RPS6KA4: variants seen among roughly 807,000 people sequenced by gnomAD.
RPS6KA4 encodes ribosomal protein S6 kinase A4, also known as ribosomal protein S6 kinase alpha-4.
A neutral mutation model predicts 89.6 loss-of-function variants in RPS6KA4; 38 were observed. The observed-to-expected ratio is 0.42, with a 90% CI of 0.33 to 0.56. The LOEUF is 0.56. RPS6KA4 is among the 20% of genes least tolerant of loss of function. RPS6KA4 has a pLI of 0.07. For missense variants in RPS6KA4, 873 were observed against 1,098.8 expected, an observed-to-expected ratio of 0.79 and a Z score of 2.90; for synonymous variants, 495 against 492.8, an observed-to-expected ratio of 1.00 and a Z score of -0.06.
chr11:64,361,127 C>T lies in RPS6KA4; in HGVS notation c.463-7C>T, dbSNP rs749353592. ...GGAAGCCTCAGCACCCCTCTTGCTCCTACCAGCTCGGCATCATTTACCGAG... is the reference window on the plus strand; with the variant it reads ...GGAAGCCTCAGCACCCCTCTTGCTCTTACCAGCTCGGCATCATTTACCGAG... On this transcript the variant is annotated splice_polypyrimidine_tract_variant and splice_region_variant and intron_variant, in intron 4 of 16. Transcript: ENST00000334205. The surrounding 1 kb of genome is among the most constrained non-coding windows in gnomAD (Gnocchi z 4.7). 5.0e-6 allele frequency: 8 copies of T among 1,612,402 alleles called. No homozygotes were observed. Among genetic ancestry groups the T allele is most frequent in the Non-Finnish European group, 6.8e-6 (8 of 1,179,494 alleles).
At position 64,361,717 on chromosome 11, in the gene RPS6KA4, G is replaced by A. The variant is rs764942671; in HGVS notation, c.727G>A (p.Glu243Lys). ...GGCCTCGCCCTTCACCCTGGAGGGC[G>A]AGAGGAACACGCAGGCTGAGGTGTC... ...TGASPFTLEGERNTQAEVSRR... is the reference protein window; with the variant it reads ...TGASPFTLEGKRNTQAEVSRR... The change falls in exon 7 of 17, where the codon GAG becomes AAG. Residue 243 changes from glutamate to lysine, a missense_variant. Transcript: ENST00000334205. The surrounding 1 kb of genome is among the most constrained non-coding windows in gnomAD (Gnocchi z 4.7). 21 of 1,610,226 alleles carry A rather than the reference G, an allele frequency of 1.3e-5. No homozygotes were observed. The highest frequency in any genetic ancestry group is 1.6e-5 in the Non-Finnish European group (19 of 1,179,118).
chr11:64,362,689 T>C (rs2036786290), intron 8 of RPS6KA4, among the ~76,000 whole-genome samples: 2 of 152,216 alleles, frequency 1.3e-5, no homozygotes, highest in African/African-American at 2.4e-5. Flanking sequence ...TCTTATTTTT[T>C]AGACGGAGTT....
Position 64,369,905 on chromosome 11 carries a change from G to T in RPS6KA4, c.1797+12G>T, listed in dbSNP as rs1010596980. The T allele has an allele frequency of 6.6e-7, 1 of 1,521,806 alleles. No homozygotes were observed. The highest frequency in any genetic ancestry group is 1.4e-5 in the African/African-American group (1 of 72,166). The allele number at this position is 1,521,806 out of a possible 1,614,324, so 94.3% of individuals were successfully genotyped here. A position where few individuals can be genotyped will look rare whatever the true frequency, so the allele number is the denominator to read the frequency against. On this transcript the variant is annotated intron_variant, in intron 14 of 16. Transcript: ENST00000334205. ...TGGGCGTCATTCTGGTATGGGACGC[G>T]GTCCTTGAGGCGGGGTCAGGGTCGC...
At chr11:64,362,068 A>C in intron 8 of RPS6KA4, 66 bp downstream of exon 8, 1 of 1,530,656 alleles carries the variant, frequency 6.5e-7, no homozygotes, top group Non-Finnish European at 8.8e-7. Context: ...TTCCAGGTTG[A>C]GGTTGTGCCT....
chr11:64,361,765 G>A lies in RPS6KA4; in HGVS notation c.755+20G>A, dbSNP rs2036757146. On this transcript the variant is annotated intron_variant, in intron 7 of 16. Coordinates refer to ENST00000334205, the MANE Select transcript of RPS6KA4 (RefSeq NM_003942.3). This position sits in a 1 kb window ranked among gnomAD's most constrained non-coding sequence, Gnocchi z 4.7. Reference sequence around the variant, plus strand: ...GTCTCGGTGAGTAGGGCTGGACGTGGAGGGCGGCCAGAGGGCTGCAGGGCC... The same window carrying A: ...GTCTCGGTGAGTAGGGCTGGACGTGAAGGGCGGCCAGAGGGCTGCAGGGCC... The A allele has an allele frequency of 1.3e-6, 2 of 1,591,614 alleles. No individual in the cohort carries two copies. Among genetic ancestry groups the A allele is most frequent in the Non-Finnish European group, 8.5e-7 (1 of 1,170,968 alleles).
chr11:64,370,260 G>T lies in RPS6KA4; in HGVS notation c.1833G>T (p.Gly611=), dbSNP rs779242564. The T allele has an allele frequency of 1.3e-6, 2 of 1,575,112 alleles. No homozygotes were observed. Among genetic ancestry groups the T allele is most frequent in the East Asian group, 2.3e-5 (1 of 44,380 alleles). ...MMLSGQVPFQ[G]ASGQGGQSQA... is the part of the protein sequence containing the mutation. ...TGTCGGGGCAGGTCCCCTTCCAGGGGGCCTCTGGCCAGGGCGGGCAGAGCC... is the reference window on the plus strand; with the variant it reads ...TGTCGGGGCAGGTCCCCTTCCAGGGTGCCTCTGGCCAGGGCGGGCAGAGCC... The change falls in exon 15 of 17, where the codon GGG becomes GGT. Residue 611 remains glycine, a synonymous_variant. Transcript: ENST00000334205. The surrounding 1 kb of genome is among the most constrained non-coding windows in gnomAD (Gnocchi z 4.1).
At chr11:64,359,473 A>G in intron 2 of RPS6KA4, 24 bp downstream of exon 2, 1 of 1,611,508 alleles carries the variant, frequency 6.2e-7, no homozygotes, top group East Asian at 2.2e-5. Context: ...TCCACCGGGC[A>G]GGCGTCCCAG....
rs771179842 is a variant in RPS6KA4, at chr11:64,369,660, CG to C, written c.1603-34del. On this transcript the variant is annotated intron_variant, in intron 13 of 16. Coordinates refer to ENST00000334205, the MANE Select transcript of RPS6KA4 (RefSeq NM_003942.3). ...CGGCGGCGGGGCGGAGCGGTGGCGC[CG>C]GGGGCTGCCTCTGACCACTACCCCG... The C allele has an allele frequency of 1.9e-6, 3 of 1,599,866 alleles. No homozygotes were observed. The African/African-American group carries it at 4.0e-5, about 21-fold the overall frequency.
chr11:64,371,473 C>G lies in RPS6KA4; in HGVS notation c.2312C>G (p.Pro771Arg), dbSNP rs1199762712. Residue 771 changes from proline (P) to arginine (R), a missense_variant, in exon 17 of 17, where the codon CCC becomes CGC. Physicochemically the swap from Pro to Arg is moderately radical, Grantham distance 103. Around this residue, in one of 4 missense-constraint regions of RPS6KA4, gnomAD observed 278 missense variants for 284.8 expected, o/e 0.98. Coordinates refer to ENST00000334205, the MANE Select transcript of RPS6KA4 (RefSeq NM_003942.3). ...CGCCGAGCCAACGGCCCCCTGCCCC[C>G]CTCCTAATCCCCACCACTGTGACCC... ...APRRANGPLP[P>R]S 3.3e-6 allele frequency: 4 copies of G among 1,201,606 alleles called. No homozygotes were observed. The highest frequency in any genetic ancestry group is 1.5e-5 in the African/African-American group (1 of 67,360). The allele number at this position is 1,201,606 out of a possible 1,614,324, so 74.4% of individuals were successfully genotyped here. A position where few individuals can be genotyped will look rare whatever the true frequency, so the allele number is the denominator to read the frequency against.
At position 64,362,009 on chromosome 11, in the gene RPS6KA4, C is replaced by A; in HGVS notation, c.906+7C>A. 1 of 1,607,484 alleles carries A rather than the reference C, an allele frequency of 6.2e-7. No homozygotes were observed. Among genetic ancestry groups the A allele is most frequent in the Non-Finnish European group, 8.5e-7 (1 of 1,177,970 alleles). Reference sequence around the variant, plus strand: ...GAACCATCCCTTCTTCCAGGTGAGGCTGACTCAGGGCCCCATACCTCCTGG... The same window carrying A: ...GAACCATCCCTTCTTCCAGGTGAGGATGACTCAGGGCCCCATACCTCCTGG... On this transcript the variant is annotated splice_region_variant and intron_variant, in intron 8 of 16. Coordinates refer to ENST00000334205, the MANE Select transcript of RPS6KA4 (RefSeq NM_003942.3).
intron 4 of RPS6KA4, chr11:64,360,882 G>A (rs2135326246): frequency 1.8e-6 from 1 of 570,516 alleles, no homozygotes; most frequent in Admixed American, 3.2e-5. Context: ...TGGCTCCTAA[G>A]GCCTCCTTGA....
At position 64,360,260 on chromosome 11, in the gene RPS6KA4, C is replaced by G; in HGVS notation, c.225C>G (p.Arg75=). The change falls in exon 3 of 17, where the codon CGC becomes CGG. Residue 75 remains arginine (R), a synonymous_variant. Coordinates refer to ENST00000334205, the MANE Select transcript of RPS6KA4 (RefSeq NM_003942.3). The part of the protein sequence containing the change: ...KVLRKAALVQ[R]AKTQEHTRTE... ...TGCGCAAGGCGGCGCTGGTGCAGCG[C>G]GCCAAGACGCAAGAGCACACGCGCA... 6.5e-7 allele frequency: 1 copy of G among 1,547,384 alleles called. No individual in the cohort carries two copies. Among genetic ancestry groups the G allele is most frequent in the South Asian group, 1.2e-5 (1 of 83,894 alleles).
chr11:64,359,300 G>A lies in RPS6KA4; in HGVS notation c.55+10G>A. ...CTGCGGATCACAGAAGGTGGGTGTG[G>A]GGCCTGACTGCGGCTGCCCGGGGCA... On this transcript the variant is annotated intron_variant, in intron 1 of 16. Coordinates refer to ENST00000334205, the MANE Select transcript of RPS6KA4 (RefSeq NM_003942.3). The A allele has an allele frequency of 6.3e-7, 1 of 1,595,380 alleles. No homozygotes were observed. The highest frequency in any genetic ancestry group is 8.5e-7 in the Non-Finnish European group (1 of 1,170,650).
chr11:64,359,513 A>T, intron 2 of RPS6KA4, 64 bp downstream of exon 2: 1 of 1,559,310 alleles, frequency 6.4e-7, no homozygotes, highest in Admixed American at 1.7e-5. Flanking sequence ...CTGCCTGCTC[A>T]CTCTTGGGCC....
At position 64,368,770 on chromosome 11, in the gene RPS6KA4, G is replaced by A. The variant is rs1309422917; in HGVS notation, c.1401G>A (p.Val467=). 1 of 1,570,840 alleles carries A rather than the reference G, an allele frequency of 6.4e-7. No homozygotes were observed. The change falls in exon 12 of 17, where the codon GTG becomes GTA. Residue 467 remains valine (V), a synonymous_variant. Transcript: ENST00000334205. The part of the protein sequence containing the change: ...LRLCQSHPNV[V]NLHEVHHDQL... The stretch of plus-strand genomic sequence containing the variant: ...TGTGCCAGTCACACCCCAACGTGGT[G>A]AATCTGCACGAGGTGCATCACGACC...
In RPS6KA4 at chr11:64,361,594, G is replaced by A. The variant is rs2036750865; in HGVS notation, c.651+45G>A. 3 of 1,613,418 alleles carry A rather than the reference G, an allele frequency of 1.9e-6. No homozygotes were observed. In the African/African-American group the frequency reaches 4.0e-5, roughly 22 times the overall value. ...GGGCTGGGGGAGGTGGAAAGGTGGGGTGTGAGGCAGGGGAGATGCAGGCCC... is the reference window on the plus strand; with the variant it reads ...GGGCTGGGGGAGGTGGAAAGGTGGGATGTGAGGCAGGGGAGATGCAGGCCC... On this transcript the variant is annotated intron_variant, in intron 6 of 16. Coordinates refer to ENST00000334205, the MANE Select transcript of RPS6KA4 (RefSeq NM_003942.3). The surrounding 1 kb of genome is among the most constrained non-coding windows in gnomAD (Gnocchi z 4.7).
Position 64,361,840 on chromosome 11 carries a change from C to T in RPS6KA4, c.756-12C>T, listed in dbSNP as rs892230990. The T allele has an allele frequency of 6.3e-7, 1 of 1,596,108 alleles. No homozygotes were observed. The highest frequency in any genetic ancestry group is 1.4e-5 in the African/African-American group (1 of 73,776). On this transcript the variant is annotated splice_polypyrimidine_tract_variant and intron_variant, in intron 7 of 16. Coordinates refer to ENST00000334205, the MANE Select transcript of RPS6KA4 (RefSeq NM_003942.3). The surrounding 1 kb of genome is among the most constrained non-coding windows in gnomAD (Gnocchi z 4.7). ...GGGCTTGCTGCCCCTGACACCCCCC[C>T]AATCCTCCCAGACGGATCCTGAAGT...
intron 9 of RPS6KA4, 26 bp from the exon 10 acceptor site, chr11:64,368,106 C>T: frequency 1.2e-6 from 2 of 1,611,668 alleles, no homozygotes; most frequent in Non-Finnish European, 1.7e-6. Flanking sequence ...ATGCCCATGC[C>T]CATTCCCCGG....
chr11:64,361,440 C>T lies in RPS6KA4; in HGVS notation c.571-29C>T, dbSNP rs1429734838. On this transcript the variant is annotated intron_variant, in intron 5 of 16. Transcript: ENST00000334205. The surrounding 1 kb of genome is among the most constrained non-coding windows in gnomAD (Gnocchi z 4.7). ...CACTGGGGCACAGGAGAGGTTTCGA[C>T]ATCTAAGCAGGACCTCTTGCCCTCC... is the stretch of plus-strand genomic sequence containing the variant. The T allele has an allele frequency of 8.1e-6, 13 of 1,612,346 alleles. No homozygotes were observed. Among genetic ancestry groups the T allele is most frequent in the Admixed American group, 1.7e-5 (1 of 59,956 alleles).
Sources: allele counts gnomAD v4.1 joint callset (sites outside exome capture counted in the v4.1 genomes callset), GRCh38; gene constraint gnomAD v4.1.1; regional missense constraint gnomAD v4.1.1; non-coding constraint Gnocchi (gnomAD v3.1); transcripts MANE v1.5; gene names NCBI Gene and HGNC (gene_info 2026-07-23, HGNC 2026-07-21).